SORCS2: variants seen among roughly 807,000 people sequenced by gnomAD.
The protein encoded by SORCS2 is sortilin related VPS10 domain containing receptor 2, also known as VPS10 domain-containing receptor SorCS2.
Under a neutral mutation model 141.6 loss-of-function variants are expected in SORCS2, and 100 were observed. The observed-to-expected ratio is 0.71, with a 90% CI of 0.60 to 0.83. SORCS2 has a LOEUF of 0.83. Among genes scored for constraint, SORCS2 ranks in the 40% least tolerant of loss-of-function variants. The pLI is 0.00. For missense variants in SORCS2, 1,646 were observed against 1,560.2 expected (o/e 1.05, Z -0.93); for synonymous variants, 789 against 676.9 (o/e 1.17, Z -2.57).
intron 2 of SORCS2, among the ~76,000 whole-genome samples, chr4:7,402,376 G>A (rs1724648907): frequency 6.6e-6 from 1 of 152,150 alleles, no homozygotes; most frequent in African/African-American, 2.4e-5. Context: ...TTGATTGTCT[G>A]TCTGTATGTA....
At chr4:7,653,366 C>T (rs184613080) in intron 4 of SORCS2, among the ~76,000 whole-genome samples, 1 of 152,298 alleles carries the variant, frequency 6.6e-6, no homozygotes, top group African/African-American at 2.4e-5. Flanking sequence ...GACTCAGCCT[C>T]CCGAGTAGCT....
chr4:7,307,379 G>T (rs1717900806), intron 1 of SORCS2, among the ~76,000 whole-genome samples: 1 of 152,262 alleles, frequency 6.6e-6, no homozygotes, highest in Non-Finnish European at 1.5e-5. Context: ...CCTTGGATGT[G>T]TACAGAGTCC....
intron 1 of SORCS2, among the ~76,000 whole-genome samples, chr4:7,250,995 A>C (rs1350044203): frequency 3.3e-5 from 5 of 152,242 alleles, no homozygotes; most frequent in Non-Finnish European, 7.3e-5. Flanking sequence ...GGAGGGTAGA[A>C]TTCTTGTCCC....
chr4:7,324,912 C>G (rs1481722590), intron 1 of SORCS2, among the ~76,000 whole-genome samples: 1 of 152,206 alleles, frequency 6.6e-6, no homozygotes, highest in Non-Finnish European at 1.5e-5. Context: ...GCTGGTTGAG[C>G]CCACAGAAGC....
chr4:7,534,509 G>A (rs1008201113), intron 3 of SORCS2, among the ~76,000 whole-genome samples: 1 of 152,254 alleles, frequency 6.6e-6, no homozygotes, highest in African/African-American at 2.4e-5. Flanking sequence ...TCACCTCTAT[G>A]GCAAAAGGGA....
intron 2 of SORCS2, among the ~76,000 whole-genome samples, chr4:7,468,281 G>T (rs1729742528): frequency 6.6e-6 from 1 of 152,146 alleles, no homozygotes; most frequent in Admixed American, 6.5e-5. Context: ...CATCGTCATG[G>T]GTCGCAACCT....
At chr4:7,651,287 C>T (rs971392033) in intron 4 of SORCS2, among the ~76,000 whole-genome samples, 1 of 152,156 alleles carries the variant, frequency 6.6e-6, no homozygotes, top group African/African-American at 2.4e-5. Flanking sequence ...TTGAATCATC[C>T]CGACCTTCTG....
chr4:7,575,171 C>T (rs1317167906), intron 3 of SORCS2, among the ~76,000 whole-genome samples: 4 of 152,168 alleles, frequency 2.6e-5, no homozygotes, highest in Admixed American at 2.0e-4. Context: ...AGATGAGACT[C>T]TCCTCCTACT....
intron 10 of SORCS2, among the ~76,000 whole-genome samples, chr4:7,688,430 G>T (rs1407653889): frequency 6.6e-6 from 1 of 152,150 alleles, no homozygotes; most frequent in Admixed American, 6.5e-5. Flanking sequence ...TTTTAAGGTG[G>T]CAAATACAAT....
chr4:7,384,000 T>C (rs149135467), intron 1 of SORCS2, among the ~76,000 whole-genome samples: 2 of 152,330 alleles, frequency 1.3e-5, no homozygotes, highest in African/African-American at 4.8e-5. Context: ...TGCTGACTGA[T>C]TTTGATTTAT....
intron 2 of SORCS2, among the ~76,000 whole-genome samples, chr4:7,510,230 G>A (rs1445315213): frequency 3.9e-5 from 6 of 152,216 alleles, no homozygotes; most frequent in African/African-American, 1.2e-4. Context: ...TGGAGCGGCC[G>A]GCGGGGCTGA....
intron 2 of SORCS2, among the ~76,000 whole-genome samples, chr4:7,520,608 T>C (rs6819749): frequency 0.014 from 2,201 of 152,302 alleles, 61 homozygotes; most frequent in African/African-American, 0.051. Flanking sequence ...AAGGGCTGGT[T>C]GGGAGACGCG....
intron 2 of SORCS2, among the ~76,000 whole-genome samples, chr4:7,450,505 A>T (rs577411772): frequency 1.3e-5 from 2 of 152,148 alleles, no homozygotes; most frequent in African/African-American, 4.8e-5. Flanking sequence ...CAATGCCCCC[A>T]TTCCAGGTCA....
At chr4:7,605,520 C>T (rs965956549) in intron 3 of SORCS2, among the ~76,000 whole-genome samples, 2 of 152,126 alleles carry the variant, frequency 1.3e-5, no homozygotes, top group African/African-American at 4.8e-5. Flanking sequence ...GGGTTTTGGT[C>T]TCCAAAGAAT....
chr4:7,629,778 G>C (rs956469442), intron 3 of SORCS2, among the ~76,000 whole-genome samples: 1 of 151,682 alleles, frequency 6.6e-6, no homozygotes, highest in Admixed American at 6.6e-5. Context: ...CCCTCTACTT[G>C]GGTGTACCTC....
At chr4:7,366,624 G>C (rs559081145) in intron 1 of SORCS2, among the ~76,000 whole-genome samples, 148 of 151,498 alleles carry the variant, frequency 9.8e-4, no homozygotes, top group South Asian at 2.5e-3. Context: ...TCCTCCTCCA[G>C]CCTCCCATGC....
intron 2 of SORCS2, among the ~76,000 whole-genome samples, chr4:7,476,796 A>G (rs899893670): frequency 1.3e-5 from 2 of 152,212 alleles, no homozygotes; most frequent in Admixed American, 6.5e-5. Flanking sequence ...CATTTTCTCC[A>G]CGACTCTGGT....
chr4:7,562,976 T>A (rs1172786119), intron 3 of SORCS2, among the ~76,000 whole-genome samples: 1 of 152,222 alleles, frequency 6.6e-6, no homozygotes, highest in Non-Finnish European at 1.5e-5. Flanking sequence ...AAGGTCACAT[T>A]CTGAGGTTCG....
chr4:7,507,662 G>A (rs1041787784), intron 2 of SORCS2, among the ~76,000 whole-genome samples: 2 of 152,256 alleles, frequency 1.3e-5, no homozygotes, highest in South Asian at 2.1e-4. Flanking sequence ...ACACACTGAC[G>A]GACAGACGCT....
Sources: gnomAD v4.1 joint callset for allele counts (sites outside exome capture counted in the v4.1 genomes callset) on GRCh38, gnomAD v4.1.1 for gene constraint, MANE v1.5 for transcripts, NCBI Gene and HGNC (gene_info 2026-07-23, HGNC 2026-07-21) for gene names.